Variants in FBXL2 observed in about 807,000 individuals in gnomAD.
FBXL2 encodes the protein F-box/LRR-repeat protein 2.
Under a neutral mutation model 69.2 loss-of-function variants are expected in FBXL2, and 38 were observed. The observed-to-expected ratio is 0.55, with a 90% confidence interval of 0.42 to 0.72. The LOEUF is 0.72. FBXL2 is among the 30% of genes least tolerant of loss of function. FBXL2 has a pLI of 0.00. For missense variants in FBXL2, 354 were observed against 520.3 expected (o/e 0.68, Z 3.11); for synonymous variants, 192 against 201.3 (o/e 0.95, Z 0.39).
intron 5 of FBXL2, among the ~76,000 whole-genome samples, chr3:33,366,007 A>C (rs901631115): frequency 6.6e-6 from 1 of 152,340 alleles, no homozygotes; most frequent in African/African-American, 2.4e-5. Flanking sequence ...AACATCTGCT[A>C]TACCATTGCT....
chr3:33,283,174 G>A (rs1393155453), intron 1 of FBXL2, among the ~76,000 whole-genome samples: 1 of 152,128 alleles, frequency 6.6e-6, no homozygotes, highest in Non-Finnish European at 1.5e-5. Flanking sequence ...GTATGATATT[G>A]ACTGTGGGTT....
At chr3:33,324,333 T>G (rs1288823621) in intron 2 of FBXL2, among the ~76,000 whole-genome samples, 1 of 152,176 alleles carries the variant, frequency 6.6e-6, no homozygotes. Flanking sequence ...AATTTTGGCT[T>G]TTGTTGGCAT....
downstream of FBXL2, among the ~76,000 whole-genome samples, chr3:33,404,702 C>A (rs551486273): frequency 7.2e-5 from 11 of 152,076 alleles, no homozygotes; most frequent in Admixed American, 2.0e-4. Flanking sequence ...TTCTGTAAGT[C>A]AGGTGATTTT....
At chr3:33,382,938 T>C (rs1369105441) in intron 13 of FBXL2, 1 of 152,252 alleles carries the variant, frequency 6.6e-6, no homozygotes, top group Non-Finnish European at 1.5e-5. Context: ...GTTGACCTTC[T>C]TCCTAAACAG....
chr3:33,355,661 A>G (rs1225673969), intron 2 of FBXL2, among the ~76,000 whole-genome samples: 1 of 152,230 alleles, frequency 6.6e-6, no homozygotes, highest in African/African-American at 2.4e-5. Context: ...TACAAAGTCC[A>G]AAAGTATATC....
chr3:33,422,454 C>T, the FBXL2 span, among the ~76,000 whole-genome samples: 12 of 152,078 alleles, frequency 7.9e-5, no homozygotes, highest in Non-Finnish European at 1.0e-4. Context: ...CAGTGGTTCA[C>T]GCCTATAATC....
chr3:33,321,557 T>TTTA (rs2038222909), intron 2 of FBXL2, among the ~76,000 whole-genome samples: 1 of 152,208 alleles, frequency 6.6e-6, no homozygotes, highest in Non-Finnish European at 1.5e-5. Flanking sequence ...TTTTATACAG[T>TTTA]TAATGTGTCA....
At chr3:33,286,788 T>G (rs781668662) in intron 1 of FBXL2, among the ~76,000 whole-genome samples, 1 of 152,240 alleles carries the variant, frequency 6.6e-6, no homozygotes, top group Non-Finnish European at 1.5e-5. Context: ...AATCTCAGAC[T>G]GCTGTGTTAG....
intron 12 of FBXL2, chr3:33,400,336 T>G: frequency 7.8e-6 from 11 of 1,416,228 alleles, no homozygotes; most frequent in Non-Finnish European, 1.1e-5. Flanking sequence ...ACTTAGAACA[T>G]TTAAACAAAA....
intron 1 of FBXL2, among the ~76,000 whole-genome samples, chr3:33,281,214 G>T (rs1280147225): frequency 6.6e-6 from 1 of 151,854 alleles, no homozygotes; most frequent in South Asian, 2.1e-4. Flanking sequence ...CCCTCAACAG[G>T]CCCCAGTGTG....
intron 2 of FBXL2, among the ~76,000 whole-genome samples, chr3:33,315,162 C>T (rs2037561528): frequency 6.6e-6 from 1 of 151,562 alleles, no homozygotes; most frequent in Non-Finnish European, 1.5e-5. Context: ...TTTGTCCTCC[C>T]TCCCTTCCCT....
the FBXL2 span, chr3:33,408,926 T>A: frequency 1.0e-6 from 1 of 967,540 alleles, no homozygotes; most frequent in Non-Finnish European, 1.5e-6. Flanking sequence ...TTAAAAAAAA[T>A]GCAAAACCCC....
At chr3:33,378,028 G>C (rs1427363816) in intron 11 of FBXL2, 75 bp from the exon 12 acceptor site, 3 of 1,417,710 alleles carry the variant, frequency 2.1e-6, no homozygotes, top group African/African-American at 2.8e-5. Context: ...CCAATACTCA[G>C]AGGGATAGGG....
intron 12 of FBXL2, among the ~76,000 whole-genome samples, chr3:33,395,680 T>G (rs1261466511): frequency 7.0e-6 from 1 of 143,840 alleles, no homozygotes; most frequent in Non-Finnish European, 1.5e-5. Context: ...CACTTAGGAC[T>G]ATTACATGCA....
At chr3:33,337,671 A>G (rs1231110491) in intron 2 of FBXL2, among the ~76,000 whole-genome samples, 1 of 152,242 alleles carries the variant, frequency 6.6e-6, no homozygotes, top group Non-Finnish European at 1.5e-5. Flanking sequence ...AAGGAAGTCA[A>G]ACTATCAGTC....
the FBXL2 span, among the ~76,000 whole-genome samples, chr3:33,412,247 T>C: frequency 1.5e-4 from 23 of 149,382 alleles, no homozygotes; most frequent in Non-Finnish European, 3.1e-4. Flanking sequence ...AATCATAAAA[T>C]TCCAGGTTCA....
downstream of FBXL2, among the ~76,000 whole-genome samples, chr3:33,406,508 G>A (rs1235169666): frequency 2.0e-5 from 3 of 152,090 alleles, no homozygotes; most frequent in African/African-American, 7.2e-5. Flanking sequence ...AAAGTATCAA[G>A]TCTCTCTAAA....
chr3:33,365,181 A>G (rs961575547), intron 5 of FBXL2, among the ~76,000 whole-genome samples: 36 of 152,148 alleles, frequency 2.4e-4, no homozygotes, highest in Non-Finnish European at 1.9e-4. Context: ...GCTTACTCAT[A>G]ATGAGATGTG....
At chr3:33,315,868 A>G (rs2037640879) in intron 2 of FBXL2, among the ~76,000 whole-genome samples, 1 of 151,630 alleles carries the variant, frequency 6.6e-6, no homozygotes, top group African/African-American at 2.4e-5. Context: ...GGATTTGTGA[A>G]ATTAGTTTTT....
Sources: gnomAD v4.1 joint callset for allele counts (sites outside exome capture counted in the v4.1 genomes callset) on GRCh38, gnomAD v4.1.1 for gene constraint, MANE v1.5 for transcripts, NCBI Gene and HGNC (gene_info 2026-07-23, HGNC 2026-07-21) for gene names.